Variants in STK32B observed in about 807,000 individuals in gnomAD.
STK32B encodes the protein serine/threonine-protein kinase 32B.
STK32B carries 43 observed loss-of-function variants against 52.6 expected under a neutral mutation model. The ratio of observed to expected loss-of-function variants is 0.82; its 90% CI spans 0.64 to 1.05. STK32B has a LOEUF of 1.05. Among genes scored for constraint, STK32B ranks in the 50% least tolerant of loss-of-function variants. The pLI is 0.00. For missense variants in STK32B, 621 were observed against 534.6 expected, an observed-to-expected ratio of 1.16 and a Z score of -1.59; for synonymous variants, 238 against 204.3, an observed-to-expected ratio of 1.17 and a Z score of -1.41.
the STK32B span, among the ~76,000 whole-genome samples, chr4:5,029,891 T>G: frequency 1.3e-5 from 2 of 152,208 alleles, no homozygotes; most frequent in African/African-American, 4.8e-5. Flanking sequence ...GTGGAGGTAA[T>G]TGAATTATGG....
chr4:5,183,615 C>T (rs996254615), intron 3 of STK32B, among the ~76,000 whole-genome samples: 1 of 152,162 alleles, frequency 6.6e-6, no homozygotes, highest in African/African-American at 2.4e-5. Flanking sequence ...GTGGAGCATT[C>T]AGAACACACA....
intron 6 of STK32B, among the ~76,000 whole-genome samples, chr4:5,435,234 T>A (rs545847693): frequency 1.1e-3 from 160 of 152,338 alleles, no homozygotes; most frequent in African/African-American, 3.7e-3. Flanking sequence ...TGGAAGGCCT[T>A]GGGGAATTGT....
At chr4:5,304,890 A>G (rs1267341493) in intron 3 of STK32B, among the ~76,000 whole-genome samples, 1 of 152,002 alleles carries the variant, frequency 6.6e-6, no homozygotes, top group Non-Finnish European at 1.5e-5. Context: ...GAGGTTTTTA[A>G]TCATAAAGCA....
intron 5 of STK32B, among the ~76,000 whole-genome samples, chr4:5,413,548 T>C (rs1219216607): frequency 1.3e-5 from 2 of 152,232 alleles, no homozygotes; most frequent in African/African-American, 4.8e-5. Flanking sequence ...GGGTAGCTCC[T>C]GAAAATTGGA....
chr4:5,317,161 CATATATATAACATATAATAT>C (rs1258612171), intron 3 of STK32B, among the ~76,000 whole-genome samples: 5 of 49,146 alleles, frequency 1.0e-4, no homozygotes, highest in Non-Finnish European at 1.4e-4. Context: ...ATACATATTA[CATATATATAACATATAATAT>C]ATATATATAA....
At chr4:5,332,149 A>G (rs902305654) in intron 4 of STK32B, among the ~76,000 whole-genome samples, 9 of 152,236 alleles carry the variant, frequency 5.9e-5, no homozygotes, top group Non-Finnish European at 8.8e-5. Context: ...TAAAGATGAC[A>G]GATTAAGCAT....
At chr4:5,197,847 A>G (rs1228325499) in intron 3 of STK32B, among the ~76,000 whole-genome samples, 2 of 152,342 alleles carry the variant, frequency 1.3e-5, no homozygotes, top group Non-Finnish European at 1.5e-5. Flanking sequence ...TTGCTCTTCA[A>G]TTATGGTTAA....
At chr4:5,071,131 T>C (rs911736320) in intron 1 of STK32B, among the ~76,000 whole-genome samples, 10 of 152,078 alleles carry the variant, frequency 6.6e-5, no homozygotes, top group African/African-American at 1.7e-4. Context: ...AGGAGACACT[T>C]AATGGTTTTA....
At chr4:5,114,544 G>A (rs575703840) in intron 1 of STK32B, among the ~76,000 whole-genome samples, 1 of 152,044 alleles carries the variant, frequency 6.6e-6, no homozygotes, top group South Asian at 2.1e-4. Context: ...CAGTAAATAT[G>A]CATTAGATGA....
intron 11 of STK32B, among the ~76,000 whole-genome samples, chr4:5,496,100 C>T (rs567878741): frequency 1.3e-5 from 2 of 152,364 alleles, no homozygotes; most frequent in African/African-American, 4.8e-5. Flanking sequence ...CCACTGCTCT[C>T]TTCAAAGCTG....
chr4:5,330,917 A>G (rs931974035), intron 3 of STK32B, among the ~76,000 whole-genome samples: 2 of 152,204 alleles, frequency 1.3e-5, no homozygotes, highest in East Asian at 3.9e-4. Context: ...AAACGGATGA[A>G]GAAACATGCT....
At chr4:5,192,508 G>A (rs1012012242) in intron 3 of STK32B, among the ~76,000 whole-genome samples, 4 of 152,192 alleles carry the variant, frequency 2.6e-5, no homozygotes, top group Non-Finnish European at 4.4e-5. Flanking sequence ...AAATAGTGAA[G>A]CTGACTCACA....
intron 6 of STK32B, among the ~76,000 whole-genome samples, chr4:5,438,573 G>A (rs914592918): frequency 1.3e-5 from 2 of 152,160 alleles, no homozygotes; most frequent in Non-Finnish European, 2.9e-5. Context: ...CAGAGGAAGC[G>A]GAGGTTGGAG....
chr4:5,040,860 C>A, the STK32B span, among the ~76,000 whole-genome samples: 1 of 152,142 alleles, frequency 6.6e-6, no homozygotes, highest in Non-Finnish European at 1.5e-5. Context: ...GCCAATAGCT[C>A]CTAGGCTACA....
chr4:5,446,566 C>CAAAA, intron 6 of STK32B, 107 bp from the exon 7 acceptor site: 16 of 717,276 alleles, frequency 2.2e-5, no homozygotes, highest in Non-Finnish European at 3.2e-5. Flanking sequence ...CAAAAAAAAA[C>CAAAA]AAAAAAAAAA....
chr4:5,279,616 G>T (rs1290555430), intron 3 of STK32B, among the ~76,000 whole-genome samples: 1 of 152,202 alleles, frequency 6.6e-6, no homozygotes, highest in Non-Finnish European at 1.5e-5. Flanking sequence ...CAGTGCCCCA[G>T]TGGGGACTCT....
intron 3 of STK32B, among the ~76,000 whole-genome samples, chr4:5,200,268 T>A (rs971261519): frequency 4.6e-5 from 7 of 151,876 alleles, no homozygotes; most frequent in Admixed American, 4.6e-4. Flanking sequence ...TTTTTTTTTT[T>A]AATTGCCTTG....
At chr4:5,436,211 C>G (rs962632031) in intron 6 of STK32B, among the ~76,000 whole-genome samples, 7 of 152,214 alleles carry the variant, frequency 4.6e-5, no homozygotes, top group African/African-American at 1.7e-4. Flanking sequence ...AAATACATTT[C>G]CAAGCCATGC....
intron 3 of STK32B, among the ~76,000 whole-genome samples, chr4:5,203,811 G>A (rs996901859): frequency 6.6e-6 from 1 of 152,032 alleles, no homozygotes; most frequent in African/African-American, 2.4e-5. Flanking sequence ...CTCCAAGAGC[G>A]ATCACTTAAA....
Sources: allele counts gnomAD v4.1 joint callset (sites outside exome capture counted in the v4.1 genomes callset), GRCh38; gene constraint gnomAD v4.1.1; transcripts MANE v1.5; gene names NCBI Gene and HGNC (gene_info 2026-07-23, HGNC 2026-07-21).